EFCAB3: variants seen among roughly 807,000 people sequenced by gnomAD.
EFCAB3 encodes EF-hand calcium binding domain 3, also known as EF-hand calcium-binding domain-containing protein 3.
In EFCAB3, 36 loss-of-function variants were observed where a neutral mutation model predicts 42.2. The ratio of observed to expected loss-of-function variants is 0.85; its 90% CI spans 0.65 to 1.13. The LOEUF (loss-of-function observed/expected upper bound fraction) is 1.13. EFCAB3 is among the 50% of genes most tolerant of loss of function. The probability of loss-of-function intolerance (pLI) is 0.00; values close to 1 mark genes in which losing one functional copy is unlikely to be tolerated. For missense variants in EFCAB3, 418 were observed against 505.1 expected, an observed-to-expected ratio of 0.83 and a Z score of 1.65; for synonymous variants, 170 against 172.8, an observed-to-expected ratio of 0.98 and a Z score of 0.13.
upstream of EFCAB3, among the ~76,000 whole-genome samples, chr17:62,375,872 A>T (rs151107975): frequency 3.2e-4 from 48 of 151,700 alleles, no homozygotes; most frequent in African/African-American, 1.1e-3. Flanking sequence ...TCTTCTCCAT[A>T]TCTCTAAAAA....
chr17:62,375,138 G>A (rs1417012189), intron 2 of EFCAB3, among the ~76,000 whole-genome samples: 7 of 152,042 alleles, frequency 4.6e-5, no homozygotes, highest in Non-Finnish European at 1.0e-4. Flanking sequence ...AAAGGAGGAT[G>A]TAAGAATAAT....
upstream of EFCAB3, among the ~76,000 whole-genome samples, chr17:62,375,987 G>A (rs2070147202): frequency 6.6e-6 from 1 of 151,912 alleles, no homozygotes; most frequent in South Asian, 2.1e-4. Flanking sequence ...TGGCTACCCA[G>A]CTCGCCCACA....
intron 1 of EFCAB3, among the ~76,000 whole-genome samples, chr17:62,382,269 A>G (rs1318593476): frequency 6.6e-6 from 1 of 152,216 alleles, no homozygotes; most frequent in Non-Finnish European, 1.5e-5. Flanking sequence ...AACTTTTTCC[A>G]TATATTTCCA....
At chr17:62,405,539 C>T (rs1425404577) in intron 6 of EFCAB3, among the ~76,000 whole-genome samples, 1 of 152,208 alleles carries the variant, frequency 6.6e-6, no homozygotes, top group African/African-American at 2.4e-5. Context: ...TGAGAGGTTC[C>T]ACTGCCAAAG....
intron 6 of EFCAB3, among the ~76,000 whole-genome samples, chr17:62,405,109 A>G (rs2070437042): frequency 6.6e-6 from 1 of 152,250 alleles, no homozygotes; most frequent in Non-Finnish European, 1.5e-5. Context: ...GTGGTGCTGA[A>G]GACCACATTC....
chr17:62,394,481 G>A (rs1394542151), intron 5 of EFCAB3, among the ~76,000 whole-genome samples: 1 of 152,074 alleles, frequency 6.6e-6, no homozygotes, highest in Non-Finnish European at 1.5e-5. Flanking sequence ...AAGGTGTCAC[G>A]TGCTTCCACT....
At chr17:62,392,123 A>T (rs960156107) in intron 4 of EFCAB3, among the ~76,000 whole-genome samples, 158 bp downstream of exon 4, 1 of 148,938 alleles carries the variant, frequency 6.7e-6, no homozygotes, top group Non-Finnish European at 1.5e-5. Flanking sequence ...TATATGTTAA[A>T]TATATATATA....
rs2070451214 is a variant in EFCAB3, at chr17:62,406,680, G to A, written c.682+7G>A. The A allele has an allele frequency of 1.9e-6, 3 of 1,613,498 alleles. No individual in the cohort carries two copies. Among genetic ancestry groups the A allele is most frequent in the Non-Finnish European group, 2.5e-6 (3 of 1,179,704 alleles). ...TTTCTTGAAGAGCTCAAGAGTAAGA[G>A]CCATTTGTTCTCTCTCTACTGTTGT... On this transcript the variant is annotated splice_region_variant and intron_variant, in intron 7 of 9. Transcript: ENST00000305286.
At chr17:62,370,973 T>C (rs2070110486) in intron 1 of EFCAB3, among the ~76,000 whole-genome samples, 1 of 151,760 alleles carries the variant, frequency 6.6e-6, no homozygotes, top group Admixed American at 6.6e-5. Context: ...ATGCCTATAG[T>C]CCTAGCTAAT....
chr17:62,385,973 C>T (rs952798056), intron 2 of EFCAB3, among the ~76,000 whole-genome samples: 8 of 151,630 alleles, frequency 5.3e-5, no homozygotes, highest in African/African-American at 1.5e-4. Flanking sequence ...GTGATCCACC[C>T]GCCTTGGCCT....
chr17:62,393,687 A>C, intron 5 of EFCAB3, 43 bp downstream of exon 5: 1 of 1,527,946 alleles, frequency 6.5e-7, no homozygotes, highest in Non-Finnish European at 9.1e-7. Context: ...GGGCAGCTAC[A>C]ACTCACTGCA....
chr17:62,384,592 G>A (rs1324591216), intron 2 of EFCAB3, among the ~76,000 whole-genome samples: 1 of 152,172 alleles, frequency 6.6e-6, no homozygotes, highest in Non-Finnish European at 1.5e-5. Context: ...TTCAGCCTGG[G>A]CAACAGAGCA....
intron 6 of EFCAB3, 95 bp downstream of exon 6, chr17:62,395,283 G>C: frequency 6.7e-7 from 1 of 1,498,572 alleles, no homozygotes. Context: ...CAACTCCACA[G>C]GGTCTGGTCC....
intron 8 of EFCAB3, among the ~76,000 whole-genome samples, chr17:62,407,470 C>T (rs1166103524): frequency 3.3e-5 from 5 of 152,094 alleles, no homozygotes; most frequent in African/African-American, 1.2e-4. Context: ...TTTCTCCAAT[C>T]CTATCTCTGA....
At chr17:62,407,845 A>C (rs1281401464) in intron 8 of EFCAB3, among the ~76,000 whole-genome samples, 3 of 152,220 alleles carry the variant, frequency 2.0e-5, no homozygotes, top group Non-Finnish European at 4.4e-5. Context: ...ATGGAAACTT[A>C]ACTGGAGGCC....
chr17:62,388,728 G>A (rs904166271), intron 3 of EFCAB3, among the ~76,000 whole-genome samples: 1 of 152,164 alleles, frequency 6.6e-6, no homozygotes, highest in Non-Finnish European at 1.5e-5. Context: ...TTTCCTATGA[G>A]AGGTTAATTT....
intron 8 of EFCAB3, 141 bp downstream of exon 8, chr17:62,407,353 A>G: frequency 1.4e-6 from 1 of 690,248 alleles, no homozygotes; most frequent in South Asian, 4.4e-5. Flanking sequence ...TCCTAAATTT[A>G]AGTCCAGGTA....
At chr17:62,376,798 T>C (rs774991113), upstream of EFCAB3, among the ~76,000 whole-genome samples, 1 of 152,236 alleles carries the variant, frequency 6.6e-6, no homozygotes, top group Non-Finnish European at 1.5e-5. Flanking sequence ...AGAACTTCAC[T>C]CTGGCCTTCA....
chr17:62,382,585 C>T (rs2070212785), intron 1 of EFCAB3, among the ~76,000 whole-genome samples: 1 of 152,208 alleles, frequency 6.6e-6, no homozygotes, highest in Non-Finnish European at 1.5e-5. Context: ...CCCCATATCT[C>T]CTTCCTCAAC....
Sources: gnomAD v4.1 joint callset for allele counts (sites outside exome capture counted in the v4.1 genomes callset) on GRCh38, gnomAD v4.1.1 for gene constraint, MANE v1.5 for transcripts, NCBI Gene and HGNC (gene_info 2026-07-23, HGNC 2026-07-21) for gene names.